The following PIP5K1B variants were observed in gnomAD, a reference collection of about 807,000 sequenced individuals.
PIP5K1B encodes phosphatidylinositol-4-phosphate 5-kinase type 1 beta.
A neutral mutation model predicts 67.0 loss-of-function variants in PIP5K1B; 42 were observed. The observed-to-expected ratio is 0.63, with a 90% CI of 0.49 to 0.81. PIP5K1B has a LOEUF of 0.81. PIP5K1B is among the 30% of genes least tolerant of loss of function. PIP5K1B has a pLI of 0.00. For synonymous variants in PIP5K1B, 214 were observed against 231.4 expected, an observed-to-expected ratio of 0.92 and a Z score of 0.68; for missense variants, 459 against 646.3, an observed-to-expected ratio of 0.71 and a Z score of 3.14.
At chr9:68,913,822 AT>A (rs1825963487) in intron 8 of PIP5K1B, among the ~76,000 whole-genome samples, 2 of 151,916 alleles carry the variant, frequency 1.3e-5, no homozygotes, top group Non-Finnish European at 2.9e-5. Flanking sequence ...TCTTTTTAAT[AT>A]TTTTTATCAC....
chr9:68,713,714 T>TA (rs1328313601), intron 1 of PIP5K1B, among the ~76,000 whole-genome samples: 3 of 152,162 alleles, frequency 2.0e-5, no homozygotes, highest in Non-Finnish European at 4.4e-5. Context: ...GGACTTTAGA[T>TA]ACAATATAAA....
intron 13 of PIP5K1B, among the ~76,000 whole-genome samples, chr9:68,939,422 G>A (rs1827444093): frequency 6.6e-6 from 1 of 152,192 alleles, no homozygotes; most frequent in Non-Finnish European, 1.5e-5. Flanking sequence ...TTGACACCCA[G>A]TTTTCAATGT....
chr9:68,935,340 C>T (rs1452584428), intron 13 of PIP5K1B, among the ~76,000 whole-genome samples: 2 of 151,960 alleles, frequency 1.3e-5, no homozygotes, highest in Admixed American at 6.6e-5. Context: ...TGATAGCGGG[C>T]GCCTGTAATC....
intron 5 of PIP5K1B, among the ~76,000 whole-genome samples, chr9:68,868,024 A>G (rs1029467221): frequency 2.0e-5 from 3 of 152,180 alleles, no homozygotes; most frequent in Non-Finnish European, 2.9e-5. Context: ...TGTCCTATGA[A>G]TTATTTCATT....
At chr9:68,793,665 T>C (rs1377312728) in intron 2 of PIP5K1B, among the ~76,000 whole-genome samples, 1 of 152,040 alleles carries the variant, frequency 6.6e-6, no homozygotes, top group Non-Finnish European at 1.5e-5. Context: ...GGGGAGGGGC[T>C]ATGGCTGTGG....
At chr9:68,724,620 T>C (rs1048207115) in intron 1 of PIP5K1B, among the ~76,000 whole-genome samples, 3 of 152,178 alleles carry the variant, frequency 2.0e-5, no homozygotes, top group Non-Finnish European at 4.4e-5. Flanking sequence ...CAATGTTGTA[T>C]AGTTTTCCTT....
Position 68,940,710 on chromosome 9 carries a change from C to T in PIP5K1B, c.1422C>T (p.Ser474=). 6.2e-7 allele frequency: 1 copy of T among 1,614,048 alleles called. No individual in the cohort carries two copies. Among genetic ancestry groups the T allele is most frequent in the Non-Finnish European group, 8.5e-7 (1 of 1,179,896 alleles). The change falls in exon 14 of 16, where the codon TCC becomes TCT. Residue 474 remains serine, a synonymous_variant. Transcript: ENST00000265382. ...CTCCATCACTGTTTGAAGCTGCTTC[C>T]TTGGCAACCACAATTTCATCTTCTT... is the stretch of plus-strand genomic sequence containing the variant. ...PSTPSLFEAA[S]LATTISSSSL... is the part of the protein sequence containing the mutation.
intron 14 of PIP5K1B, among the ~76,000 whole-genome samples, chr9:68,953,867 G>T (rs935127065): frequency 9.3e-5 from 14 of 149,938 alleles, no homozygotes; most frequent in African/African-American, 3.2e-4. Context: ...AGCAGAGCTT[G>T]TTGACCAGCA....
At chr9:68,761,638 G>C (rs563474755) in intron 2 of PIP5K1B, among the ~76,000 whole-genome samples, 1 of 152,186 alleles carries the variant, frequency 6.6e-6, no homozygotes, top group South Asian at 2.1e-4. Context: ...CTAGAGTTAG[G>C]CTGCATTCCT....
intron 5 of PIP5K1B, among the ~76,000 whole-genome samples, chr9:68,869,809 CT>C (rs1361116632): frequency 1.3e-5 from 2 of 152,096 alleles, no homozygotes; most frequent in Middle Eastern, 3.2e-3. Context: ...GAGACCTCAT[CT>C]CTTTATATTT....
intron 14 of PIP5K1B, chr9:68,965,666 T>C (rs893996664): frequency 1.3e-5 from 2 of 152,112 alleles, no homozygotes; most frequent in African/African-American, 4.8e-5. Context: ...TCCTTATCTA[T>C]TGAAAAGAAG....
intron 14 of PIP5K1B, among the ~76,000 whole-genome samples, chr9:68,980,001 T>C (rs1829821829): frequency 6.6e-6 from 1 of 152,240 alleles, no homozygotes; most frequent in African/African-American, 2.4e-5. Context: ...GTCAAAGCTT[T>C]TCTACTTCCC....
At chr9:68,767,350 T>C (rs189273528) in intron 2 of PIP5K1B, among the ~76,000 whole-genome samples, 2,786 of 152,246 alleles carry the variant, frequency 0.018, 41 homozygotes, top group Middle Eastern at 0.062. Context: ...TCCCAGCACT[T>C]TGGGAGGCCG....
chr9:68,758,012 A>G (rs977129891), intron 2 of PIP5K1B, among the ~76,000 whole-genome samples: 4 of 152,194 alleles, frequency 2.6e-5, no homozygotes, highest in African/African-American at 9.6e-5. Flanking sequence ...TTACTTCACT[A>G]TGGCTAGAAG....
At chr9:68,750,580 A>G (rs567719833) in intron 2 of PIP5K1B, among the ~76,000 whole-genome samples, 1 of 152,374 alleles carries the variant, frequency 6.6e-6, no homozygotes, top group East Asian at 1.9e-4. Flanking sequence ...TTTTGTAAGG[A>G]AGAGGAACGT....
At chr9:68,762,463 A>G (rs1254858129) in intron 2 of PIP5K1B, among the ~76,000 whole-genome samples, 1 of 151,968 alleles carries the variant, frequency 6.6e-6, no homozygotes, top group African/African-American at 2.4e-5. Context: ...AGTTCTCACT[A>G]TAATTATCTG....
At chr9:68,866,542 A>G (rs1054053261) in intron 5 of PIP5K1B, among the ~76,000 whole-genome samples, 2 of 152,226 alleles carry the variant, frequency 1.3e-5, no homozygotes, top group African/African-American at 4.8e-5. Context: ...GAAAGGCTAA[A>G]TAGATATTGA....
chr9:68,927,159 T>G (rs1587679009), intron 12 of PIP5K1B, among the ~76,000 whole-genome samples: 1 of 152,252 alleles, frequency 6.6e-6, no homozygotes, highest in East Asian at 1.9e-4. Flanking sequence ...ATACCATAGT[T>G]TGTTTATTCA....
At chr9:68,982,217 A>G (rs1276754018) in intron 14 of PIP5K1B, among the ~76,000 whole-genome samples, 1 of 152,208 alleles carries the variant, frequency 6.6e-6, no homozygotes, top group Non-Finnish European at 1.5e-5. Context: ...CCTGACCACT[A>G]GATTTTCAGG....
Sources: gnomAD v4.1 joint callset for allele counts (sites outside exome capture counted in the v4.1 genomes callset) on GRCh38, gnomAD v4.1.1 for gene constraint, MANE v1.5 for transcripts, NCBI Gene and HGNC (gene_info 2026-07-23, HGNC 2026-07-21) for gene names.